Variants in PIAS1 observed in about 807,000 individuals in gnomAD.
The protein encoded by PIAS1 is E3 SUMO-protein ligase PIAS1.
Under a neutral mutation model 71.3 loss-of-function variants are expected in PIAS1, and 6 were observed. The observed-to-expected ratio is 0.08, with a 90% CI of 0.05 to 0.17. The LOEUF (loss-of-function observed/expected upper bound fraction) is 0.17. PIAS1 is among the 10% of genes least tolerant of loss of function. The pLI is 1.00. For missense variants in PIAS1, 555 were observed against 793.6 expected (o/e 0.70, Z 3.61); for synonymous variants, 303 against 292.9 (o/e 1.03, Z -0.35).
chr15:68,128,765 C>T (rs893026318), intron 2 of PIAS1, among the ~76,000 whole-genome samples: 5 of 151,786 alleles, frequency 3.3e-5, no homozygotes, highest in Admixed American at 6.6e-5. Flanking sequence ...AACAAATGGA[C>T]GCAGTATCCA....
At chr15:68,177,465 G>A (rs566761908) in intron 11 of PIAS1, among the ~76,000 whole-genome samples, 2 of 152,256 alleles carry the variant, frequency 1.3e-5, no homozygotes, top group African/African-American at 4.8e-5. Context: ...GCTTCAGAAT[G>A]TGAATGAGGC....
At chr15:68,139,369 G>C (rs2092754702) in intron 2 of PIAS1, among the ~76,000 whole-genome samples, 1 of 152,144 alleles carries the variant, frequency 6.6e-6, no homozygotes, top group Non-Finnish European at 1.5e-5. Flanking sequence ...GAATGGAAAG[G>C]TTGAAAGGAA....
chr15:68,092,437 T>C (rs553140516), intron 2 of PIAS1, among the ~76,000 whole-genome samples: 1 of 152,280 alleles, frequency 6.6e-6, no homozygotes, highest in South Asian at 2.1e-4. Flanking sequence ...CCTCTCAAAG[T>C]GCTAGGATTA....
At chr15:68,142,985 GTTTCT>G (rs1394952748) in intron 4 of PIAS1, among the ~76,000 whole-genome samples, 7 of 151,818 alleles carry the variant, frequency 4.6e-5, no homozygotes, top group Middle Eastern at 3.2e-3. Context: ...CCCTTATTGA[GTTTCT>G]TTTCTTAGCC....
intron 9 of PIAS1, among the ~76,000 whole-genome samples, chr15:68,175,052 G>A (rs558698711): frequency 5.7e-4 from 87 of 151,986 alleles, no homozygotes; most frequent in Non-Finnish European, 9.0e-4. Flanking sequence ...AGCTTTTTTC[G>A]GTATATGATT....
chr15:68,177,989 G>A (rs1447575717), intron 11 of PIAS1, among the ~76,000 whole-genome samples: 1 of 152,228 alleles, frequency 6.6e-6, no homozygotes, highest in Non-Finnish European at 1.5e-5. Flanking sequence ...TACAACACCA[G>A]ATCAAGAGCA....
At chr15:68,120,812 G>A (rs923098065) in intron 2 of PIAS1, among the ~76,000 whole-genome samples, 12 of 151,986 alleles carry the variant, frequency 7.9e-5, no homozygotes, top group South Asian at 2.1e-4. Flanking sequence ...CCGCCACCAC[G>A]CCTGGCTAAT....
Position 68,157,165 on chromosome 15 carries a change from G to C in PIAS1, c.934+3470G>C, listed in dbSNP as rs557755956. 8.8e-4 allele frequency among the ~76,000 whole-genome samples: 134 copies of C among 152,300 alleles called. 1 individual carries two copies. In the Middle Eastern group the frequency reaches 0.01, roughly 12 times the overall value. On this transcript the variant is annotated intron_variant, in intron 7 of 13. Transcript: ENST00000249636. ...TGAAAAGATCAGATTGCAGGGGGGA[G>C]ATCAGAGTGGACTGTTAGACTTGTG...
chr15:68,054,859 A>AGCCCCC lies in PIAS1; in HGVS notation c.24+515_24+520dup, dbSNP rs1179422068. ...GCCCCGCCCCTCCGTGGATCCCAGT[A>AGCCCCC]GCCCCCGCCCCGGACTCGGCTTTCC... On this transcript the variant is annotated intron_variant, in intron 1 of 13. Transcript: ENST00000249636. This position sits in a 1 kb window ranked among gnomAD's most constrained non-coding sequence, Gnocchi z 4.6. 6.6e-6 allele frequency: 1 copy of AGCCCCC among 152,338 alleles called. No homozygotes were observed. The highest frequency in any genetic ancestry group is 1.5e-5 in the Non-Finnish European group (1 of 68,194). 9.4% of individuals were successfully genotyped at this position (152,338 alleles called of 1,614,324 possible). A position where few individuals can be genotyped will look rare whatever the true frequency, so the allele number is the denominator to read the frequency against.
chr15:68,122,261 T>G (rs1231458191), intron 2 of PIAS1, among the ~76,000 whole-genome samples: 1 of 152,158 alleles, frequency 6.6e-6, no homozygotes, highest in Non-Finnish European at 1.5e-5. Flanking sequence ...TTGACTTCAT[T>G]GTAGTTCCAC....
At chr15:68,170,995 T>C (rs2092987865) in intron 8 of PIAS1, among the ~76,000 whole-genome samples, 1 of 152,144 alleles carries the variant, frequency 6.6e-6, no homozygotes, top group South Asian at 2.1e-4. Context: ...TTGACTCTTG[T>C]AATAACAACA....
At chr15:68,120,913 G>A (rs764787519) in intron 2 of PIAS1, among the ~76,000 whole-genome samples, 1 of 152,178 alleles carries the variant, frequency 6.6e-6, no homozygotes, top group Admixed American at 6.5e-5. Context: ...TGGGATTACA[G>A]GCATGAGCCA....
intron 7 of PIAS1, among the ~76,000 whole-genome samples, chr15:68,160,319 C>T (rs981558332): frequency 1.3e-5 from 2 of 151,952 alleles, no homozygotes; most frequent in Admixed American, 6.6e-5. Flanking sequence ...TTCATTTTTT[C>T]CCCCACATAG....
Position 68,191,552 on chromosome 15 carries a change from T to C in PIAS1, c.*3717T>C, listed in dbSNP as rs1181665185. ...TAATGGTTTGTGCTTCCAAAGCACC[T>C]TTCATCCAGAGATTTCAAAGCATGA... On this transcript the variant is annotated 3_prime_UTR_variant, in exon 14 of 14. Transcript: ENST00000249636. The C allele has an allele frequency of 2.0e-5, 3 of 152,688 alleles. No homozygotes were observed. The highest frequency in any genetic ancestry group is 7.2e-5 in the African/African-American group (3 of 41,470). 9.5% of individuals were successfully genotyped at this position (152,688 alleles called of 1,614,324 possible).
intron 1 of PIAS1, among the ~76,000 whole-genome samples, chr15:68,066,026 T>G (rs1402442930): frequency 6.8e-6 from 1 of 146,128 alleles, no homozygotes; most frequent in Non-Finnish European, 1.5e-5. Context: ...AGTGTTGGAA[T>G]TCAAGGTGTT....
rs73423788 is a variant in PIAS1 at position 68,154,865 on chromosome 15, A to C, written c.934+1170A>C. On this transcript the variant is annotated intron_variant, in intron 7 of 13. Transcript: ENST00000249636. ...GAAGATGGTAGGGATCCTGAAAGAA[A>C]AGACAGACATCTGCCTTGAAGGAGA... 4.5e-3 allele frequency among the ~76,000 whole-genome samples: 685 copies of C among 152,296 alleles called. 6 individuals are homozygous for C. The highest frequency in any genetic ancestry group is 0.014 in the African/African-American group (580 of 41,570).
chr15:68,187,495 T>A lies in PIAS1; in HGVS notation c.1663-47T>A, dbSNP rs1418458662. ...CCCGCTGAGGAGAAAATATATTAATTTGGAAGTATAATTAACATTTTTGTG... is the reference window on the plus strand; with the variant it reads ...CCCGCTGAGGAGAAAATATATTAATATGGAAGTATAATTAACATTTTTGTG... On this transcript the variant is annotated intron_variant, in intron 13 of 13. Transcript: ENST00000249636. The surrounding 1 kb of genome is among the most constrained non-coding windows in gnomAD (Gnocchi z 5.3). 2 of 1,524,736 alleles carry A rather than the reference T, an allele frequency of 1.3e-6. No homozygotes were observed. The highest frequency in any genetic ancestry group is 1.8e-6 in the Non-Finnish European group (2 of 1,102,948). The allele number at this position is 1,524,736 out of a possible 1,614,324, so 94.5% of individuals were successfully genotyped here.
At chr15:68,106,351 CAAAAAAAA>C (rs11313083) in intron 2 of PIAS1, among the ~76,000 whole-genome samples, 1,082 of 92,896 alleles carry the variant, frequency 0.012, 17 homozygotes, top group African/African-American at 0.039. Context: ...ATGACCTTTG[CAAAAAAAA>C]AAAAAAAAAA....
chr15:68,065,646 A>G (rs1173953449), intron 1 of PIAS1, among the ~76,000 whole-genome samples: 7 of 151,524 alleles, frequency 4.6e-5, no homozygotes. Flanking sequence ...GCAGTTTGCT[A>G]AGCAGAGTTA....
Sources: gnomAD v4.1 joint callset for allele counts (sites outside exome capture counted in the v4.1 genomes callset) on GRCh38, gnomAD v4.1.1 for gene constraint, Gnocchi (gnomAD v3.1) non-coding constraint, MANE v1.5 for transcripts, NCBI Gene and HGNC (gene_info 2026-07-23, HGNC 2026-07-21) for gene names.